MTCH2: variants seen among roughly 807,000 people sequenced by gnomAD.
MTCH2 encodes the protein mitochondrial carrier 2, also known as mitochondrial carrier homolog 2.
Under a neutral mutation model 50.6 loss-of-function variants are expected in MTCH2, and 25 were observed. That is an observed-to-expected ratio of 0.49 (90% CI 0.36 to 0.69). The LOEUF is 0.69. Among genes scored for constraint, MTCH2 ranks in the 30% least tolerant of loss-of-function variants. The probability of loss-of-function intolerance (pLI) is 0.00; values close to 1 mark genes in which losing one functional copy is unlikely to be tolerated. For missense variants in MTCH2, 273 were observed against 384.4 expected, an observed-to-expected ratio of 0.71 and a Z score of 2.42; for synonymous variants, 106 against 132.0, an observed-to-expected ratio of 0.80 and a Z score of 1.35.
chr11:47,621,149 A>G (rs1450288667), intron 12 of MTCH2, among the ~76,000 whole-genome samples: 3 of 152,212 alleles, frequency 2.0e-5, no homozygotes, highest in Non-Finnish European at 2.9e-5. Context: ...GTCTGTACTG[A>G]AATCATTCAA....
chr11:47,610,904 T>C, the MTCH2 span, among the ~76,000 whole-genome samples: 884 of 152,238 alleles, frequency 5.8e-3, 10 homozygotes, highest in African/African-American at 0.019. Flanking sequence ...GTCTCTGATC[T>C]CCCCAAATGG....
At chr11:47,617,066 A>G (rs760909744), downstream of MTCH2, among the ~76,000 whole-genome samples, 1 of 152,174 alleles carries the variant, frequency 6.6e-6, no homozygotes, top group Non-Finnish European at 1.5e-5. Flanking sequence ...TTATAGTAAG[A>G]TATTATGGAG....
chr11:47,610,281 C>T, the MTCH2 span, among the ~76,000 whole-genome samples: 1,684 of 152,256 alleles, frequency 0.011, 13 homozygotes, highest in Non-Finnish European at 0.016. Flanking sequence ...AATGCTTTAG[C>T]CTTTACTAAC....
At chr11:47,614,682 A>T (rs539113122), downstream of MTCH2, among the ~76,000 whole-genome samples, 6 of 152,232 alleles carry the variant, frequency 3.9e-5, no homozygotes, top group African/African-American at 1.4e-4. Flanking sequence ...CCTGGGTTTC[A>T]GCGATTCTCC....
intron 4 of MTCH2, among the ~76,000 whole-genome samples, 188 bp from the exon 5 acceptor site, chr11:47,634,922 G>A (rs1022122587): frequency 2.0e-5 from 3 of 151,886 alleles, no homozygotes; most frequent in African/African-American, 4.8e-5. Flanking sequence ...ACAGGTGCTC[G>A]CCACCACGCC....
At chr11:47,638,636 G>T in intron 3 of MTCH2, 63 bp downstream of exon 3, 1 of 1,066,190 alleles carries the variant, frequency 9.4e-7, no homozygotes, top group South Asian at 1.6e-5. Context: ...TTGATATTTA[G>T]AACAAACTAT....
At chr11:47,633,626 TC>T (rs2097305739) in intron 5 of MTCH2, among the ~76,000 whole-genome samples, 1 of 144,472 alleles carries the variant, frequency 6.9e-6, no homozygotes, top group East Asian at 2.1e-4. Flanking sequence ...AACCTCTGCC[TC>T]CCGGGTTCAA....
chr11:47,635,311 G>C (rs1278990969), intron 4 of MTCH2, among the ~76,000 whole-genome samples: 1 of 152,092 alleles, frequency 6.6e-6, no homozygotes, highest in Non-Finnish European at 1.5e-5. Flanking sequence ...TTAGATGCAA[G>C]TGATCCTCCC....
intron 12 of MTCH2, among the ~76,000 whole-genome samples, chr11:47,621,497 A>C (rs1303909580): frequency 6.6e-6 from 1 of 151,352 alleles, no homozygotes; most frequent in Non-Finnish European, 1.5e-5. Flanking sequence ...CAGTGGCACA[A>C]TCTTGGCTCA....
At chr11:47,635,690 T>G (rs1051314820) in intron 3 of MTCH2, 119 bp from the exon 4 acceptor site, 2 of 629,856 alleles carry the variant, frequency 3.2e-6, no homozygotes, top group African/African-American at 3.9e-5. Context: ...AAAGTTTTTG[T>G]TTTTTTTTTT....
At chr11:47,621,005 T>C (rs1307409654) in intron 12 of MTCH2, among the ~76,000 whole-genome samples, 3 of 152,244 alleles carry the variant, frequency 2.0e-5, no homozygotes, top group Admixed American at 6.5e-5. Flanking sequence ...ATCCATTCTC[T>C]GTCTGCTTTC....
At chr11:47,636,657 G>C (rs1158440083) in intron 3 of MTCH2, among the ~76,000 whole-genome samples, 1 of 151,866 alleles carries the variant, frequency 6.6e-6, no homozygotes, top group Non-Finnish European at 1.5e-5. Context: ...GCTTGAACCC[G>C]GTAGGTGGAA....
intron 9 of MTCH2, among the ~76,000 whole-genome samples, chr11:47,627,877 A>G (rs1003831430): frequency 1.3e-5 from 2 of 152,194 alleles, no homozygotes; most frequent in Non-Finnish European, 2.9e-5. Flanking sequence ...TTCAATATTA[A>G]CAGACAAATT....
At chr11:47,607,699 A>G in the MTCH2 span, among the ~76,000 whole-genome samples, 2 of 152,208 alleles carry the variant, frequency 1.3e-5, no homozygotes, top group African/African-American at 4.8e-5. Flanking sequence ...TGGAGCTGCC[A>G]GCTGGCATCT....
At chr11:47,620,022 A>G (rs1441643597) in intron 12 of MTCH2, among the ~76,000 whole-genome samples, 3 of 152,210 alleles carry the variant, frequency 2.0e-5, no homozygotes, top group African/African-American at 7.2e-5. Flanking sequence ...GGTTGCAGTG[A>G]GCCAAGATCG....
chr11:47,630,910 T>C (rs1385880226), intron 7 of MTCH2, 126 bp downstream of exon 7: 1 of 853,924 alleles, frequency 1.2e-6, no homozygotes, highest in African/African-American at 1.7e-5. Flanking sequence ...TTTGTGCAGA[T>C]CAAATGACAT....
chr11:47,629,161 A>C (rs377504640), intron 8 of MTCH2, 115 bp from the exon 9 acceptor site: 1 of 882,440 alleles, frequency 1.1e-6, no homozygotes, highest in Non-Finnish European at 1.8e-6. Flanking sequence ...CTAGGGAAGT[A>C]AAAAAGGAAT....
At chr11:47,607,999 G>A in the MTCH2 span, among the ~76,000 whole-genome samples, 4 of 152,298 alleles carry the variant, frequency 2.6e-5, no homozygotes, top group South Asian at 2.1e-4. Flanking sequence ...ATACTGGGAC[G>A]CAATGCATGT....
At chr11:47,630,302 C>T (rs140589596) in intron 8 of MTCH2, among the ~76,000 whole-genome samples, 241 of 152,204 alleles carry the variant, frequency 1.6e-3, no homozygotes, top group African/African-American at 5.0e-3. Flanking sequence ...CCACCACGCC[C>T]GGCCTCAAAT....
Sources: allele counts gnomAD v4.1 joint callset (sites outside exome capture counted in the v4.1 genomes callset), GRCh38; gene constraint gnomAD v4.1.1; transcripts MANE v1.5; gene names NCBI Gene and HGNC (gene_info 2026-07-23, HGNC 2026-07-21).